COL15A1: variants seen among roughly 807,000 people sequenced by gnomAD.
COL15A1 encodes collagen alpha-1(XV) chain.
A neutral mutation model predicts 165.9 loss-of-function variants in COL15A1; 111 were observed. That is an observed-to-expected ratio of 0.67 (90% CI 0.57 to 0.78). COL15A1 has a LOEUF of 0.78. Ranked by LOEUF, COL15A1 falls within the 30% of genes least tolerant of loss-of-function variation. The pLI is 0.00. For synonymous variants in COL15A1, 659 were observed against 674.8 expected (o/e 0.98, Z 0.36); for missense variants, 1,745 against 1,789.7 (o/e 0.98, Z 0.45).
At chr9:99,042,253 A>G in intron 24 of COL15A1, 146 bp downstream of exon 24, 1 of 608,672 alleles carries the variant, frequency 1.6e-6, no homozygotes, top group Non-Finnish European at 2.9e-6. Context: ...TGTACAATTC[A>G]GTGATTTTTG....
intron 26 of COL15A1, among the ~76,000 whole-genome samples, chr9:99,046,193 G>A (rs936657385): frequency 6.6e-6 from 1 of 152,234 alleles, no homozygotes. Flanking sequence ...CAGGCAGTAA[G>A]TGGCACCTTC....
At chr9:99,056,222 G>T in intron 34 of COL15A1, 38 bp from the exon 35 acceptor site, 7 of 1,606,204 alleles carry the variant, frequency 4.4e-6, no homozygotes, top group Non-Finnish European at 6.0e-6. Context: ...AGTGATGAAT[G>T]ATGCTTTCTC....
intron 8 of COL15A1, among the ~76,000 whole-genome samples, chr9:99,004,613 G>T (rs1196525138): frequency 6.6e-6 from 1 of 152,178 alleles, no homozygotes; most frequent in Non-Finnish European, 1.5e-5. Context: ...TCTGATTAGG[G>T]GACACAGCTT....
intron 12 of COL15A1, among the ~76,000 whole-genome samples, chr9:99,021,284 G>A (rs1460241788): frequency 6.6e-6 from 1 of 152,236 alleles, no homozygotes; most frequent in Non-Finnish European, 1.5e-5. Flanking sequence ...TGTGGGGAAG[G>A]GAGGGCCAGG....
At chr9:98,944,798 A>C (rs999698592) in intron 2 of COL15A1, among the ~76,000 whole-genome samples, 2 of 152,238 alleles carry the variant, frequency 1.3e-5, no homozygotes, top group Non-Finnish European at 1.5e-5. Context: ...TGGTGGAAAG[A>C]GCTGTGGCCT....
rs1838600344 is a variant in COL15A1, at chr9:98,999,033, T to A, written c.953-1806T>A. Among the ~76,000 whole-genome samples the A allele has an allele frequency of 3.3e-5, 5 of 152,326 alleles. No homozygotes were observed. The South Asian group carries it at 1.0e-3, about 32-fold the overall frequency. On this transcript the variant is annotated intron_variant, in intron 6 of 41. Coordinates refer to ENST00000375001, the MANE Select transcript of COL15A1 (RefSeq NM_001855.5). ...CTTGGAGGACAGGCAATCGGCTGCT[T>A]GCACGGCACCCCCTGGTGGTCAGAG...
chr9:99,027,283 C>G (rs540572921), intron 16 of COL15A1, among the ~76,000 whole-genome samples: 4 of 152,260 alleles, frequency 2.6e-5, no homozygotes, highest in East Asian at 1.9e-4. Context: ...CTCTCATGGA[C>G]AAAGACGTGG....
intron 2 of COL15A1, among the ~76,000 whole-genome samples, chr9:98,964,073 A>G (rs1268031278): frequency 6.6e-6 from 1 of 152,238 alleles, no homozygotes; most frequent in Non-Finnish European, 1.5e-5. Context: ...CATGCCCAAG[A>G]TCACCTGGCT....
chr9:99,066,599 G>GTTTTTTTTTTTGTTTTTTTTTTT (rs1825895496), intron 39 of COL15A1, among the ~76,000 whole-genome samples: 1 of 71,082 alleles, frequency 1.4e-5, no homozygotes, highest in East Asian at 3.6e-4. Context: ...ATTTTGTTCT[G>GTTTTTTTTTTTGTTTTTTTTTTT]TTTTTTTTTT....
intron 12 of COL15A1, 61 bp downstream of exon 12, chr9:99,020,503 T>C: frequency 8.2e-7 from 1 of 1,226,090 alleles, no homozygotes; most frequent in South Asian, 1.2e-5. Context: ...CTGAACATGT[T>C]ATTTAGGTTT....
chr9:98,996,805 G>C (rs569981068), intron 5 of COL15A1, 129 bp from the exon 6 acceptor site: 2 of 1,393,934 alleles, frequency 1.4e-6, no homozygotes, highest in Non-Finnish European at 2.0e-6. Context: ...ACACCAAGTG[G>C]GGCCAAGCTT....
At chr9:99,010,578 C>T (rs1282684405) in intron 9 of COL15A1, among the ~76,000 whole-genome samples, 1 of 152,134 alleles carries the variant, frequency 6.6e-6, no homozygotes, top group African/African-American at 2.4e-5. Flanking sequence ...TAGATAACCT[C>T]GGCACCCGGG....
intron 6 of COL15A1, among the ~76,000 whole-genome samples, chr9:98,998,416 G>A (rs2118929696): frequency 6.6e-6 from 1 of 152,330 alleles, no homozygotes; most frequent in Middle Eastern, 3.4e-3. Flanking sequence ...ATAACGTCAT[G>A]ACAGAGCCAA....
chr9:99,006,908 G>A (rs545733711), intron 9 of COL15A1, among the ~76,000 whole-genome samples: 1 of 152,188 alleles, frequency 6.6e-6, no homozygotes, highest in Non-Finnish European at 1.5e-5. Flanking sequence ...GTCAATTTTG[G>A]AAGTTTATTT....
chr9:99,035,269 C>T (rs771202207), intron 18 of COL15A1, 81 bp from the exon 19 acceptor site: 5 of 1,605,368 alleles, frequency 3.1e-6, no homozygotes, highest in East Asian at 2.2e-5. Context: ...CCCTGTGAGC[C>T]GCCAGCTTCC....
At chr9:99,031,465 C>G (rs1462385501) in intron 16 of COL15A1, among the ~76,000 whole-genome samples, 3 of 152,190 alleles carry the variant, frequency 2.0e-5, no homozygotes, top group Non-Finnish European at 4.4e-5. Flanking sequence ...GTTATCACAA[C>G]TACCAAGCAA....
rs568092659 is a variant in COL15A1, at chr9:99,026,345, C to A, written c.2043+379C>A. Among the ~76,000 whole-genome samples the A allele has an allele frequency of 1.8e-4, 28 of 152,354 alleles. No homozygotes were observed. The South Asian group carries it at 3.7e-3, about 20-fold the overall frequency. Reference sequence around the variant, plus strand: ...TGTCTCCCCACTGAGCTGGACTCATCTCTTCTCATTCGCACGGTGGCCTTG... The same window carrying A: ...TGTCTCCCCACTGAGCTGGACTCATATCTTCTCATTCGCACGGTGGCCTTG... On this transcript the variant is annotated intron_variant, in intron 16 of 41. Transcript: ENST00000375001.
chr9:99,069,783 C>T lies in COL15A1; in HGVS notation c.4064C>T (p.Pro1355Leu), dbSNP rs143545156. ...ADTAVTGLASPLSTGKILDQK... is the reference protein window; with the variant it reads ...ADTAVTGLASLLSTGKILDQK... ...ACAGCGGTCACGGGACTTGCCTCCC[C>T]GCTGAGCACGGGGAAGATTCTGGAC... The change falls in exon 42 of 42, where the codon CCG becomes CTG. Residue 1355 changes from proline to leucine, a missense_variant. Coordinates refer to ENST00000375001, the MANE Select transcript of COL15A1 (RefSeq NM_001855.5). The T allele has an allele frequency of 3.2e-5, 51 of 1,614,202 alleles. No individual in the cohort carries two copies. The highest frequency in any genetic ancestry group is 3.3e-4 in the Middle Eastern group (2 of 6,062).
At chr9:98,946,030 T>C (rs1012766894) in intron 2 of COL15A1, among the ~76,000 whole-genome samples, 7 of 152,238 alleles carry the variant, frequency 4.6e-5, no homozygotes, top group South Asian at 2.1e-4. Flanking sequence ...TTGCAACTGA[T>C]GGGTTTTCAG....
Sources: allele counts gnomAD v4.1 joint callset (sites outside exome capture counted in the v4.1 genomes callset), GRCh38; gene constraint gnomAD v4.1.1; transcripts MANE v1.5; gene names NCBI Gene and HGNC (gene_info 2026-07-23, HGNC 2026-07-21).